The following PTPRN2 variants were observed in gnomAD, a reference collection of about 807,000 sequenced individuals.
PTPRN2 encodes protein tyrosine phosphatase receptor type N2.
In PTPRN2, 74 loss-of-function variants were observed where a neutral mutation model predicts 118.8. The observed-to-expected ratio is 0.62, with a 90% confidence interval of 0.52 to 0.76. PTPRN2 has a LOEUF of 0.76. PTPRN2 is among the 30% of genes least tolerant of loss of function. The probability of loss-of-function intolerance (pLI) is 0.00; values close to 1 mark genes in which losing one functional copy is unlikely to be tolerated. For missense variants in PTPRN2, 1,481 were observed against 1,394.4 expected, an observed-to-expected ratio of 1.06 and a Z score of -0.99; for synonymous variants, 641 against 608.0, an observed-to-expected ratio of 1.05 and a Z score of -0.80.
At chr7:158,027,789 G>C (rs916227764) in intron 11 of PTPRN2, 1 of 152,154 alleles carries the variant, frequency 6.6e-6, no homozygotes, top group Non-Finnish European at 1.5e-5. Context: ...GTTCACAGCC[G>C]AGAAAGTAAG....
At chr7:158,085,667 G>GCCCATCCACACCCATGACA (rs1160271788) in intron 10 of PTPRN2, among the ~76,000 whole-genome samples, 1 of 101,128 alleles carries the variant, frequency 9.9e-6, no homozygotes, top group Non-Finnish European at 1.9e-5. Flanking sequence ...CACCCACGAC[G>GCCCATCCACACCCATGACA]CCCATCCACA....
rs148773953 is a variant in PTPRN2, at chr7:158,271,647, A to G, written c.277+45172T>C. ...GGTGTCTCAGCCCATGCAGGCTGCT[A>G]TAAGAAAATACCATAGCTTGGGTAA... is the stretch of plus-strand genomic sequence containing the variant. On this transcript the variant is annotated intron_variant, in intron 3 of 22. Coordinates refer to ENST00000389418, the MANE Select transcript of PTPRN2 (RefSeq NM_002847.5). Among the ~76,000 whole-genome samples the G allele has an allele frequency of 1.3e-3, 191 of 152,350 alleles. 2 individuals carry two copies. In the East Asian group the frequency reaches 0.026, roughly 20 times the overall value.
chr7:158,149,393 A>T (rs548840542), intron 6 of PTPRN2, among the ~76,000 whole-genome samples: 1 of 152,190 alleles, frequency 6.6e-6, no homozygotes, highest in Non-Finnish European at 1.5e-5. Context: ...TTTTCAGTAT[A>T]AACTCTTAAA....
At chr7:158,032,655 A>C (rs913928941) in intron 11 of PTPRN2, among the ~76,000 whole-genome samples, 1 of 152,148 alleles carries the variant, frequency 6.6e-6, no homozygotes, top group Non-Finnish European at 1.5e-5. Context: ...GTGAATTCAT[A>C]CAACGCTAAA....
At chr7:158,440,512 G>C (rs560229272) in intron 2 of PTPRN2, among the ~76,000 whole-genome samples, 1 of 151,658 alleles carries the variant, frequency 6.6e-6, no homozygotes. Flanking sequence ...TGGTAATAGG[G>C]GTGATAGTGG....
chr7:157,639,332 A>G, intron 14 of PTPRN2, among the ~76,000 whole-genome samples: 1 of 152,146 alleles, frequency 6.6e-6, no homozygotes, highest in East Asian at 1.9e-4. Flanking sequence ...CACTGTGCCC[A>G]GCTATCTTTC....
chr7:158,195,667 T>C (rs553578257), intron 4 of PTPRN2, among the ~76,000 whole-genome samples: 1 of 152,234 alleles, frequency 6.6e-6, no homozygotes, highest in East Asian at 1.9e-4. Flanking sequence ...ATAGTTCCTA[T>C]TGCTGTGTCT....
intron 14 of PTPRN2, among the ~76,000 whole-genome samples, chr7:157,655,267 T>C (rs989775326): frequency 1.3e-5 from 2 of 152,186 alleles, no homozygotes; most frequent in East Asian, 1.9e-4. Context: ...AGTTCCTCAG[T>C]TTCCCCAAAC....
intron 2 of PTPRN2, among the ~76,000 whole-genome samples, chr7:158,360,623 G>C (rs374909848): frequency 2.7e-3 from 6 of 2,236 alleles, no homozygotes; most frequent in Non-Finnish European, 5.6e-3. Context: ...CCAGGATGAC[G>C]CACAGACCCC....
At chr7:158,532,513 C>G (rs1460154800) in intron 1 of PTPRN2, among the ~76,000 whole-genome samples, 2 of 152,168 alleles carry the variant, frequency 1.3e-5, no homozygotes. Flanking sequence ...TGCCTCCACA[C>G]TGGAAGTTGG....
At chr7:158,047,884 G>A (rs1272920926) in intron 11 of PTPRN2, among the ~76,000 whole-genome samples, 1 of 152,196 alleles carries the variant, frequency 6.6e-6, no homozygotes, top group Non-Finnish European at 1.5e-5. Context: ...CACCAATGTG[G>A]CATTACAGGA....
intron 12 of PTPRN2, among the ~76,000 whole-genome samples, chr7:157,689,359 G>T (rs1011430801): frequency 6.6e-6 from 1 of 152,218 alleles, no homozygotes; most frequent in East Asian, 1.9e-4. Flanking sequence ...CGCAGCTCGG[G>T]GGGCGGGACC....
chr7:158,219,942 A>G lies in PTPRN2; in HGVS notation c.278-14669T>C, dbSNP rs1030930705. The stretch of plus-strand genomic sequence containing the variant: ...GACAAATTCACAGCTGAATTCTACC[A>G]GACATAGAAAGCAGAGCTAGTAACA... On this transcript the variant is annotated intron_variant, in intron 3 of 22. Coordinates refer to ENST00000389418, the MANE Select transcript of PTPRN2 (RefSeq NM_002847.5). Among the ~76,000 whole-genome samples the G allele has an allele frequency of 2.0e-5, 3 of 152,178 alleles. No homozygotes were observed. In the East Asian group the frequency reaches 5.8e-4, roughly 29 times the overall value.
intron 21 of PTPRN2, among the ~76,000 whole-genome samples, chr7:157,557,643 A>C (rs1798973811): frequency 6.6e-6 from 1 of 152,054 alleles, no homozygotes; most frequent in Non-Finnish European, 1.5e-5. Flanking sequence ...AAGACTTATG[A>C]AAATTATAAG....
intron 2 of PTPRN2, among the ~76,000 whole-genome samples, chr7:158,430,707 G>A (rs570645938): frequency 9.9e-5 from 15 of 152,238 alleles, no homozygotes; most frequent in Non-Finnish European, 1.8e-4. Flanking sequence ...GCAGGAAGCC[G>A]CAGCCCGGCC....
At chr7:158,264,094 C>T (rs371435420) in intron 3 of PTPRN2, among the ~76,000 whole-genome samples, 32 of 152,202 alleles carry the variant, frequency 2.1e-4, no homozygotes, top group East Asian at 7.7e-4. Context: ...AAGGAGGTCA[C>T]ATGGTGAAAG....
At chr7:157,673,166 C>A (rs1283482102) in intron 13 of PTPRN2, among the ~76,000 whole-genome samples, 1 of 152,028 alleles carries the variant, frequency 6.6e-6, no homozygotes, top group African/African-American at 2.4e-5. Flanking sequence ...TGGGATGACA[C>A]GTGCACGCCA....
At chr7:158,446,933 C>T (rs1032322074) in intron 2 of PTPRN2, among the ~76,000 whole-genome samples, 5 of 152,236 alleles carry the variant, frequency 3.3e-5, no homozygotes, top group South Asian at 2.1e-4. Flanking sequence ...TCACGGCATC[C>T]GTCACTTTCG....
Position 157,618,101 on chromosome 7 carries a change from TCTC to T in PTPRN2, c.2344+3258_2344+3260del, listed in dbSNP as rs1563268456. 6.6e-6 allele frequency: 1 copy of T among 152,216 alleles called. No individual in the cohort carries two copies. Among genetic ancestry groups the T allele is most frequent in the Non-Finnish European group, 1.5e-5 (1 of 68,064 alleles). The allele number at this position is 152,216 out of a possible 1,614,324, so 9.4% of individuals were successfully genotyped here. A position where few individuals can be genotyped will look rare whatever the true frequency, so the allele number is the denominator to read the frequency against. ...AAGCATTGCATAATGTGTGTTTCCT[TCTC>T]CTTTGGGGGCTCATTCCGATCAGGG... On this transcript the variant is annotated intron_variant, in intron 15 of 22. Coordinates refer to ENST00000389418, the MANE Select transcript of PTPRN2 (RefSeq NM_002847.5). This position sits in a 1 kb window ranked among gnomAD's most constrained non-coding sequence, Gnocchi z 4.2.
Sources: gnomAD v4.1 joint callset for allele counts (sites outside exome capture counted in the v4.1 genomes callset) on GRCh38, gnomAD v4.1.1 for gene constraint, Gnocchi (gnomAD v3.1) non-coding constraint, MANE v1.5 for transcripts, NCBI Gene and HGNC (gene_info 2026-07-23, HGNC 2026-07-21) for gene names.